BNC2: variants seen among roughly 807,000 people sequenced by gnomAD.
BNC2 encodes the protein basonuclin zinc finger protein 2, also known as zinc finger protein basonuclin-2.
Under a neutral mutation model 76.3 loss-of-function variants are expected in BNC2, and 20 were observed. That is an observed-to-expected ratio of 0.26 (90% CI 0.18 to 0.38). BNC2 has a LOEUF of 0.38. Ranked by LOEUF, BNC2 falls within the 10% of genes least tolerant of loss-of-function variation. The pLI is 1.00. For missense variants in BNC2, 1,382 were observed against 1,399.8 expected, an observed-to-expected ratio of 0.99 and a Z score of 0.20; for synonymous variants, 582 against 514.8, an observed-to-expected ratio of 1.13 and a Z score of -1.77.
chr9:16,788,155 C>T (rs749289496), intron 1 of BNC2, among the ~76,000 whole-genome samples: 43 of 152,278 alleles, frequency 2.8e-4, no homozygotes, highest in Middle Eastern at 6.8e-3. Context: ...TCCAGTTCCA[C>T]GGACCAAGCA....
At chr9:16,633,235 G>C (rs557899804) in intron 3 of BNC2, among the ~76,000 whole-genome samples, 1 of 152,244 alleles carries the variant, frequency 6.6e-6, no homozygotes, top group South Asian at 2.1e-4. Context: ...TCTATTTACT[G>C]AAATACGATG....
chr9:16,435,496 A>G (rs979419353), intron 6 of BNC2, 59 bp downstream of exon 6: 37 of 1,585,826 alleles, frequency 2.3e-5, no homozygotes, highest in Non-Finnish European at 2.9e-5. Context: ...GAAGTCCAAC[A>G]TGACTGAAAA....
chr9:16,542,611 C>T (rs1442266376), intron 5 of BNC2, among the ~76,000 whole-genome samples: 2 of 152,158 alleles, frequency 1.3e-5, no homozygotes, highest in Non-Finnish European at 2.9e-5. Flanking sequence ...TAGTGACTTC[C>T]CTAAGAAAGA....
intron 5 of BNC2, among the ~76,000 whole-genome samples, chr9:16,492,731 T>C (rs1822304377): frequency 6.6e-6 from 1 of 151,870 alleles, no homozygotes; most frequent in African/African-American, 2.4e-5. Flanking sequence ...ATTTTTTTTT[T>C]TTTTTCTGTA....
At chr9:16,493,109 G>C (rs1346439709) in intron 5 of BNC2, among the ~76,000 whole-genome samples, 1 of 152,080 alleles carries the variant, frequency 6.6e-6, no homozygotes. Context: ...AAGCCACTTT[G>C]TTTTCACGTA....
At chr9:16,471,739 G>C (rs1242681596) in intron 5 of BNC2, among the ~76,000 whole-genome samples, 2 of 152,156 alleles carry the variant, frequency 1.3e-5, no homozygotes, top group Admixed American at 1.3e-4. Context: ...TTTGAAATGT[G>C]AGGACATAAG....
chr9:16,718,878 A>C (rs1824065578), intron 3 of BNC2, among the ~76,000 whole-genome samples: 1 of 152,118 alleles, frequency 6.6e-6, no homozygotes, highest in African/African-American at 2.4e-5. Context: ...GCAGGCATAC[A>C]CTTTCTGCAT....
At chr9:16,505,644 A>G (rs1421090883) in intron 5 of BNC2, among the ~76,000 whole-genome samples, 1 of 152,216 alleles carries the variant, frequency 6.6e-6, no homozygotes, top group Non-Finnish European at 1.5e-5. Flanking sequence ...AAGTTTACAG[A>G]GAAAACTTTT....
At chr9:16,753,010 A>G (rs1393725890) in intron 1 of BNC2, among the ~76,000 whole-genome samples, 1 of 152,230 alleles carries the variant, frequency 6.6e-6, no homozygotes, top group African/African-American at 2.4e-5. Context: ...CCTCAACATC[A>G]TATGAATATC....
chr9:16,578,137 T>A (rs956494347), intron 4 of BNC2, among the ~76,000 whole-genome samples: 20 of 152,146 alleles, frequency 1.3e-4, no homozygotes, highest in Admixed American at 1.3e-4. Flanking sequence ...AAATTCTAAA[T>A]GAATTACCTC....
intron 3 of BNC2, chr9:16,665,174 GC>G: frequency 2.4e-6 from 1 of 414,744 alleles, no homozygotes; most frequent in Non-Finnish European, 4.7e-6. Context: ...TTTGAGACCA[GC>G]CTGAAAAACA....
intron 1 of BNC2, among the ~76,000 whole-genome samples, chr9:16,847,500 GA>G (rs1350917532): frequency 8.8e-6 from 1 of 113,714 alleles, no homozygotes; most frequent in Non-Finnish European, 1.7e-5. Context: ...GGTTAAAAAG[GA>G]AAAAAGAATT....
At chr9:16,807,426 C>G (rs1039524325) in intron 1 of BNC2, among the ~76,000 whole-genome samples, 1 of 152,188 alleles carries the variant, frequency 6.6e-6, no homozygotes, top group Non-Finnish European at 1.5e-5. Context: ...CATATTATTA[C>G]ATCAGTCTAC....
intron 3 of BNC2, among the ~76,000 whole-genome samples, chr9:16,605,918 T>C (rs1021339278): frequency 2.0e-5 from 3 of 151,330 alleles, no homozygotes; most frequent in African/African-American, 2.4e-5. Context: ...GCCTCCCAAG[T>C]AGCTGGGACT....
At chr9:16,745,407 G>C (rs544493942) in intron 1 of BNC2, among the ~76,000 whole-genome samples, 91 of 152,284 alleles carry the variant, frequency 6.0e-4, no homozygotes, top group Non-Finnish European at 1.1e-3. Flanking sequence ...GAATGGGCAG[G>C]GAGAGGCAAA....
At chr9:16,451,506 A>G (rs1821339443) in intron 5 of BNC2, among the ~76,000 whole-genome samples, 1 of 150,950 alleles carries the variant, frequency 6.6e-6, no homozygotes, top group Non-Finnish European at 1.5e-5. Context: ...AGTCCCCTCA[A>G]TATAGACTCA....
intron 3 of BNC2, among the ~76,000 whole-genome samples, chr9:16,725,110 T>C (rs968299083): frequency 6.6e-6 from 1 of 152,056 alleles, no homozygotes; most frequent in Non-Finnish European, 1.5e-5. Context: ...GGACAAACTT[T>C]TACCTGTAAC....
chr9:16,601,579 C>T (rs1820245358), intron 3 of BNC2, among the ~76,000 whole-genome samples: 1 of 152,078 alleles, frequency 6.6e-6, no homozygotes, highest in Non-Finnish European at 1.5e-5. Context: ...TGAGTCCAAG[C>T]CAACTGTTGA....
chr9:16,457,045 T>C (rs1821466862), intron 5 of BNC2, among the ~76,000 whole-genome samples: 1 of 152,142 alleles, frequency 6.6e-6, no homozygotes, highest in Admixed American at 6.6e-5. Flanking sequence ...TTGTGTTATG[T>C]CTCTCTCCTT....
Sources: gnomAD v4.1 joint callset for allele counts (sites outside exome capture counted in the v4.1 genomes callset) on GRCh38, gnomAD v4.1.1 for gene constraint, MANE v1.5 for transcripts, NCBI Gene and HGNC (gene_info 2026-07-23, HGNC 2026-07-21) for gene names.